The following AHRR variants were observed in gnomAD, a reference collection of about 807,000 sequenced individuals.
AHRR encodes ahR repressor.
In AHRR, 28 loss-of-function variants were observed where a neutral mutation model predicts 44.0. That is an observed-to-expected ratio of 0.64 (90% CI 0.47 to 0.87). The LOEUF is 0.87. AHRR is among the 40% of genes least tolerant of loss of function. The probability of loss-of-function intolerance (pLI) is 0.00; values close to 1 mark genes in which losing one functional copy is unlikely to be tolerated. For missense variants in AHRR, 990 were observed against 953.9 expected (o/e 1.04, Z -0.50); for synonymous variants, 434 against 407.0 (o/e 1.07, Z -0.80).
At chr5:354,017 C>T in intron 3 of AHRR, 106 bp downstream of exon 3, 1 of 1,199,390 alleles carries the variant, frequency 8.3e-7, no homozygotes, top group South Asian at 1.5e-5. Context: ...TGGGTTGCAC[C>T]ATGTGCACTC....
intron 2 of AHRR, among the ~76,000 whole-genome samples, chr5:344,202 C>A (rs1742480141): frequency 6.6e-6 from 1 of 150,788 alleles, no homozygotes; most frequent in African/African-American, 2.4e-5. Context: ...AGCGGTGGAG[C>A]GAGGCGGCGG....
intron 1 of AHRR, among the ~76,000 whole-genome samples, chr5:331,397 T>A (rs1741907006): frequency 6.6e-6 from 1 of 152,198 alleles, no homozygotes; most frequent in Admixed American, 6.5e-5. Flanking sequence ...AGTGTTTTCC[T>A]TTTTCATTTC....
intron 4 of AHRR, among the ~76,000 whole-genome samples, chr5:397,841 C>T (rs1734807362): frequency 1.1e-5 from 1 of 93,518 alleles, no homozygotes; most frequent in Non-Finnish European, 2.2e-5. Context: ...CATGTTAGCC[C>T]CTGACCATGT....
intron 3 of AHRR, among the ~76,000 whole-genome samples, chr5:369,224 G>A (rs1157143657): frequency 2.6e-5 from 4 of 151,994 alleles, no homozygotes; most frequent in Admixed American, 2.0e-4. Flanking sequence ...TAATACACCC[G>A]CCCATGTGTC....
At position 405,635 on chromosome 5, in the gene AHRR, C is replaced by T. The variant is rs1055094612; in HGVS notation, c.352-7709C>T. ...CAAGTGGGCGGCACACCCTTCAGGT[C>T]GGTGGGAGTGAGGGCCTTCGGGTCG... On this transcript the variant is annotated intron_variant, in intron 4 of 10. Coordinates refer to ENST00000684583, the MANE Select transcript of AHRR (RefSeq NM_001377236.1). The surrounding 1 kb of genome is among the most constrained non-coding windows in gnomAD (Gnocchi z 4.5). Among the ~76,000 whole-genome samples, 7 of 152,194 alleles carry T rather than the reference C, an allele frequency of 4.6e-5. No homozygotes were observed. The highest frequency in any genetic ancestry group is 4.6e-4 in the Admixed American group (7 of 15,288).
intron 3 of AHRR, among the ~76,000 whole-genome samples, chr5:368,282 G>A (rs1356873505): frequency 1.3e-5 from 2 of 152,164 alleles, no homozygotes; most frequent in African/African-American, 2.4e-5. Context: ...CGTGCACCGC[G>A]CACTGTATCC....
At chr5:423,819 C>G (rs1736245169) in intron 6 of AHRR, 22 bp from the exon 7 acceptor site, 2 of 1,581,504 alleles carry the variant, frequency 1.3e-6, no homozygotes, top group East Asian at 4.5e-5. Flanking sequence ...CCGCCACGCC[C>G]CTTGGCCCCT....
intron 4 of AHRR, among the ~76,000 whole-genome samples, chr5:379,271 C>G (rs578187076): frequency 2.6e-5 from 4 of 152,160 alleles, no homozygotes; most frequent in African/African-American, 9.7e-5. Flanking sequence ...CTGCGGGCCG[C>G]TGGTTTGTTT....
Position 422,845 on chromosome 5 carries a change from G to T in AHRR, c.558G>T (p.Pro186=). The change falls in exon 6 of 11, where the codon CCG becomes CCT. Residue 186 remains proline, a synonymous_variant. Transcript: ENST00000684583. ...CCCAGGTGGTGTTTGGGCAGCCCCC[G>T]CCCTTGGAGACAGGTGGGTGTCTGG... The part of the protein sequence containing the change: ...DPPQVVFGQP[P]PLETGDDAIL... 6.2e-7 allele frequency: 1 copy of T among 1,611,814 alleles called. No individual in the cohort carries two copies. Among genetic ancestry groups the T allele is most frequent in the East Asian group, 2.2e-5 (1 of 44,810 alleles).
chr5:424,036 T>C, intron 7 of AHRR, 59 bp downstream of exon 7: 1 of 1,552,182 alleles, frequency 6.4e-7, no homozygotes, highest in African/African-American at 1.4e-5. Flanking sequence ...TCTACCCTGG[T>C]GTGGAAGGAA....
At chr5:381,321 C>T (rs748369527) in intron 4 of AHRR, among the ~76,000 whole-genome samples, 1 of 152,130 alleles carries the variant, frequency 6.6e-6, no homozygotes, top group Non-Finnish European at 1.5e-5. Flanking sequence ...TAATTGTTGT[C>T]TGAGAATAGA....
intron 1 of AHRR, among the ~76,000 whole-genome samples, chr5:332,350 C>A (rs1354762879): frequency 6.6e-6 from 1 of 150,762 alleles, no homozygotes; most frequent in Non-Finnish European, 1.5e-5. Flanking sequence ...TCACCACAAC[C>A]TCCGCCTCCT....
chr5:355,999 C>T (rs938088246), intron 3 of AHRR, among the ~76,000 whole-genome samples: 1 of 152,258 alleles, frequency 6.6e-6, no homozygotes, highest in African/African-American at 2.4e-5. Flanking sequence ...AGATCTTAAA[C>T]TATGCCTCTT....
rs1736800928 is a variant in AHRR at position 432,892 on chromosome 5, T to G, written c.1057T>G (p.Cys353Gly). 6.2e-7 allele frequency: 1 copy of G among 1,613,472 alleles called. No individual in the cohort carries two copies. Among genetic ancestry groups the G allele is most frequent in the African/African-American group, 1.3e-5 (1 of 74,924 alleles). The change falls in exon 10 of 11, where the codon TGC becomes GGC. Residue 353 changes from cysteine to glycine, a missense_variant. Cys to Gly is a radical substitution (Grantham distance 159). Transcript: ENST00000684583. ...RWAQVPARAP[C>G]LCLRGGPDLV... ...GGCACAGGTTCCCGCCAGGGCCCCA[T>G]GCCTGTGCCTCCGGGGTGGCCCTGA...
At chr5:389,977 A>C (rs915320887) in intron 4 of AHRR, among the ~76,000 whole-genome samples, 1 of 150,500 alleles carries the variant, frequency 6.6e-6, no homozygotes, top group African/African-American at 2.4e-5. Context: ...CAGAGGCTGG[A>C]AAGGACAGTG....
Position 369,839 on chromosome 5 carries a change from C to T in AHRR, c.245-6771C>T, listed in dbSNP as rs1227356616. The stretch of plus-strand genomic sequence containing the variant: ...CCGGAATGTACATATTACAATTCAT[C>T]TTCAAAAGGCAAAACGGTTTCTCAT... On this transcript the variant is annotated intron_variant, in intron 3 of 10. Coordinates refer to ENST00000684583, the MANE Select transcript of AHRR (RefSeq NM_001377236.1). Among the ~76,000 whole-genome samples the T allele has an allele frequency of 2.6e-5, 4 of 152,262 alleles. No homozygotes were observed. In the East Asian group the frequency reaches 7.7e-4, roughly 29 times the overall value.
rs1735160108 is a variant in AHRR at position 404,249 on chromosome 5, A to G, written c.352-9095A>G. 2.0e-6 allele frequency: 1 copy of G among 510,736 alleles called. No homozygotes were observed. Among genetic ancestry groups the G allele is most frequent in the East Asian group, 4.9e-5 (1 of 20,462 alleles). The allele number at this position is 510,736 out of a possible 1,614,324, so 31.6% of individuals were successfully genotyped here. A position where few individuals can be genotyped will look rare whatever the true frequency, so the allele number is the denominator to read the frequency against. On this transcript the variant is annotated intron_variant, in intron 4 of 10. Transcript: ENST00000684583. The surrounding 1 kb of genome is among the most constrained non-coding windows in gnomAD (Gnocchi z 4.1). ...CCATGAGTCTAATCACATCTGCTCC[A>G]TGCATGTTCCCAAATCATTGCCCTT...
intron 3 of AHRR, among the ~76,000 whole-genome samples, chr5:367,392 G>A (rs547238039): frequency 6.6e-6 from 1 of 152,376 alleles, no homozygotes. Context: ...TTTGCAAAGA[G>A]AAATATAAGA....
chr5:333,513 T>C (rs950779735), intron 1 of AHRR, among the ~76,000 whole-genome samples: 42 of 152,088 alleles, frequency 2.8e-4, no homozygotes, highest in Non-Finnish European at 3.4e-4. Context: ...GGAGAGTCAC[T>C]TGAACCTGGG....
Sources: allele counts gnomAD v4.1 joint callset (sites outside exome capture counted in the v4.1 genomes callset), GRCh38; gene constraint gnomAD v4.1.1; non-coding constraint Gnocchi (gnomAD v3.1); transcripts MANE v1.5; gene names NCBI Gene and HGNC (gene_info 2026-07-23, HGNC 2026-07-21).